PAX5: variants seen among roughly 807,000 people sequenced by gnomAD.
The protein encoded by PAX5 is paired box protein Pax-5.
A neutral mutation model predicts 43.7 loss-of-function variants in PAX5; 9 were observed. The ratio of observed to expected loss-of-function variants is 0.21; its 90% CI spans 0.12 to 0.36. The LOEUF (loss-of-function observed/expected upper bound fraction) is 0.36, where lower values mean the gene tolerates loss of function less well. Among genes scored for constraint, PAX5 ranks in the 10% least tolerant of loss-of-function variants. PAX5 has a pLI of 1.00. For synonymous variants in PAX5, 228 were observed against 214.3 expected (o/e 1.06, Z -0.56); for missense variants, 383 against 532.7 (o/e 0.72, Z 2.77).
chr9:36,870,007 AATGG>A (rs1168900562), intron 8 of PAX5, among the ~76,000 whole-genome samples: 18 of 10,764 alleles, frequency 1.7e-3, no homozygotes, highest in African/African-American at 2.7e-3. Flanking sequence ...TGGATGGATA[AATGG>A]ATGGATGGAT....
rs920860170 is a variant in PAX5 at position 36,834,204 on chromosome 9, C to A, written c.*6356G>T. On this transcript the variant is annotated 3_prime_UTR_variant, in exon 10 of 10. Transcript: ENST00000358127. ...CTGGGGCTGAGAAGTGGGGCCCAGG[C>A]AACGCCAGGCCCTCACTGCCCGCCA... The A allele has an allele frequency of 1.3e-5, 3 of 233,226 alleles. No homozygotes were observed. Among genetic ancestry groups the A allele is most frequent in the Non-Finnish European group, 2.5e-5 (3 of 118,084 alleles). The allele number at this position is 233,226 out of a possible 1,614,324, so 14.4% of individuals were successfully genotyped here. A position where few individuals can be genotyped will look rare whatever the true frequency, so the allele number is the denominator to read the frequency against.
intron 7 of PAX5, among the ~76,000 whole-genome samples, chr9:36,907,123 C>T (rs1828894162): frequency 1.3e-5 from 2 of 152,132 alleles, no homozygotes; most frequent in Non-Finnish European, 2.9e-5. Context: ...TAGGAGAAAA[C>T]CATACCTCCA....
In PAX5 at chr9:37,026,687, T is replaced by A. The variant is rs1840413941; in HGVS notation, c.47-5886A>T. The A allele has an allele frequency of 2.3e-6, 3 of 1,320,478 alleles. 1 individual carries two copies. The highest frequency in any genetic ancestry group is 3.0e-6 in the Non-Finnish European group (3 of 1,014,910). The allele number at this position is 1,320,478 out of a possible 1,614,324, so 81.8% of individuals were successfully genotyped here. A position where few individuals can be genotyped will look rare whatever the true frequency, so the allele number is the denominator to read the frequency against. ...AGGCCAGGCACTGTGCGAGCTGGGC[T>A]CAGAAAACACTGCTGGAGCTTCGGG... On this transcript the variant is annotated intron_variant, in intron 1 of 9. Coordinates refer to ENST00000358127, the MANE Select transcript of PAX5 (RefSeq NM_016734.3).
At chr9:37,002,942 G>T (rs1209546721) in intron 4 of PAX5, 166 bp from the exon 5 acceptor site, 6 of 752,130 alleles carry the variant, frequency 8.0e-6, no homozygotes, top group Non-Finnish European at 1.0e-5. Flanking sequence ...AGCCACGAGC[G>T]CAGGCCTCGG....
At chr9:36,888,843 T>TC (rs936233842) in intron 7 of PAX5, among the ~76,000 whole-genome samples, 14 of 151,910 alleles carry the variant, frequency 9.2e-5, no homozygotes, top group Non-Finnish European at 1.8e-4. Context: ...TCACACAGGC[T>TC]CCCCCGTTGC....
At chr9:36,947,700 A>G (rs1235985820) in intron 6 of PAX5, among the ~76,000 whole-genome samples, 1 of 152,104 alleles carries the variant, frequency 6.6e-6, no homozygotes, top group East Asian at 1.9e-4. Flanking sequence ...TTGTACGCAT[A>G]TGTGTGTGTG....
intron 7 of PAX5, among the ~76,000 whole-genome samples, chr9:36,916,764 C>T (rs984635885): frequency 1.3e-5 from 2 of 151,938 alleles, no homozygotes; most frequent in Non-Finnish European, 2.9e-5. Flanking sequence ...GGCTCATTGC[C>T]ATCTCCATTT....
chr9:36,857,379 T>G (rs1292137973), intron 8 of PAX5, among the ~76,000 whole-genome samples: 5 of 152,212 alleles, frequency 3.3e-5, no homozygotes, highest in African/African-American at 1.2e-4. Context: ...GTGGTCCTAC[T>G]CCATTCAGAG....
At chr9:37,027,999 C>T (rs1840607741) in intron 1 of PAX5, among the ~76,000 whole-genome samples, 1 of 152,212 alleles carries the variant, frequency 6.6e-6, no homozygotes, top group Non-Finnish European at 1.5e-5. Context: ...CTGGAGAGTC[C>T]CGCTGCGGGT....
At chr9:36,853,870 A>T (rs1419911883) in intron 8 of PAX5, among the ~76,000 whole-genome samples, 1 of 152,240 alleles carries the variant, frequency 6.6e-6, no homozygotes, top group Non-Finnish European at 1.5e-5. Flanking sequence ...AAGTTTCCTA[A>T]AATTCTCAGA....
At chr9:36,920,136 T>C (rs1050785423) in intron 7 of PAX5, among the ~76,000 whole-genome samples, 2 of 152,192 alleles carry the variant, frequency 1.3e-5, no homozygotes, top group Admixed American at 6.5e-5. Context: ...TTTCTTAAGA[T>C]GAAATCTACT....
At chr9:36,847,961 C>T (rs1391731031) in intron 8 of PAX5, among the ~76,000 whole-genome samples, 2 of 152,162 alleles carry the variant, frequency 1.3e-5, no homozygotes, top group Non-Finnish European at 2.9e-5. Flanking sequence ...TCGCCAGGTG[C>T]CCAGTACCCG....
At chr9:36,988,149 A>G (rs545351598) in intron 5 of PAX5, among the ~76,000 whole-genome samples, 1 of 152,268 alleles carries the variant, frequency 6.6e-6, no homozygotes, top group Admixed American at 6.5e-5. Context: ...GACTCAGACC[A>G]CACCGCAAGG....
chr9:36,954,320 T>G (rs1254350984), intron 6 of PAX5, among the ~76,000 whole-genome samples: 1 of 152,240 alleles, frequency 6.6e-6, no homozygotes, highest in Non-Finnish European at 1.5e-5. Context: ...TACTTCTTAT[T>G]GTAAAGATCA....
chr9:36,927,419 A>C (rs1218454036), intron 6 of PAX5, among the ~76,000 whole-genome samples: 1 of 152,236 alleles, frequency 6.6e-6, no homozygotes, highest in Non-Finnish European at 1.5e-5. Flanking sequence ...TAATTTCCAG[A>C]TGGAAGAGGC....
intron 5 of PAX5, among the ~76,000 whole-genome samples, chr9:36,993,861 C>A (rs1291081675): frequency 2.0e-5 from 3 of 152,168 alleles, no homozygotes; most frequent in Admixed American, 1.3e-4. Flanking sequence ...CCCCACATGG[C>A]AGCACCCTGC....
chr9:36,864,100 C>A (rs1281229364), intron 8 of PAX5, among the ~76,000 whole-genome samples: 1 of 152,212 alleles, frequency 6.6e-6, no homozygotes, highest in African/African-American at 2.4e-5. Context: ...CAGAGCGAGA[C>A]TCTGTCTCCC....
intron 7 of PAX5, chr9:36,893,546 T>C (rs1371853058): frequency 6.5e-6 from 1 of 154,358 alleles, no homozygotes; most frequent in Non-Finnish European, 1.5e-5. Flanking sequence ...CACTTTCATT[T>C]GCACATAGTT....
chr9:37,016,131 G>A (rs1040115456), intron 2 of PAX5, among the ~76,000 whole-genome samples: 6 of 152,176 alleles, frequency 3.9e-5, no homozygotes, highest in Admixed American at 6.5e-5. Context: ...GGTCACACAA[G>A]ACCAAATGGG....
Sources: gnomAD v4.1 joint callset for allele counts (sites outside exome capture counted in the v4.1 genomes callset) on GRCh38, gnomAD v4.1.1 for gene constraint, MANE v1.5 for transcripts, NCBI Gene and HGNC (gene_info 2026-07-23, HGNC 2026-07-21) for gene names.